The following MANBA variants were observed in gnomAD, a reference collection of about 807,000 sequenced individuals.
The protein encoded by MANBA is mannosidase beta, also known as beta-mannosidase.
MANBA carries 83 observed loss-of-function variants against 111.1 expected under a neutral mutation model. The observed-to-expected ratio is 0.75, with a 90% confidence interval of 0.63 to 0.90. MANBA has a LOEUF of 0.90. Among genes scored for constraint, MANBA ranks in the 40% least tolerant of loss-of-function variants. The pLI is 0.00. For missense variants in MANBA, 1,036 were observed against 1,069.0 expected, an observed-to-expected ratio of 0.97 and a Z score of 0.43; for synonymous variants, 370 against 378.7, an observed-to-expected ratio of 0.98 and a Z score of 0.27.
chr4:102,650,332 A>G (rs911377009), intron 13 of MANBA, among the ~76,000 whole-genome samples: 13 of 152,216 alleles, frequency 8.5e-5, no homozygotes, highest in African/African-American at 3.1e-4. Context: ...GAATTTTGTG[A>G]GCTGTTTTTG....
At chr4:102,650,489 T>A in intron 13 of MANBA, 48 bp downstream of exon 13, 1 of 1,542,496 alleles carries the variant, frequency 6.5e-7, no homozygotes, top group Non-Finnish European at 9.0e-7. Context: ...CATAATCTCT[T>A]ACATTAATTG....
At chr4:102,736,659 T>G (rs1723226830) in intron 1 of MANBA, among the ~76,000 whole-genome samples, 1 of 152,044 alleles carries the variant, frequency 6.6e-6, no homozygotes, top group South Asian at 2.1e-4. Context: ...AAGCAAAATG[T>G]GGATTAGGAT....
At chr4:102,749,065 A>G (rs1436591476) in intron 1 of MANBA, among the ~76,000 whole-genome samples, 1 of 152,200 alleles carries the variant, frequency 6.6e-6, no homozygotes, top group Admixed American at 6.5e-5. Context: ...GACAGTATAG[A>G]TGGGACTTAA....
In MANBA at chr4:102,714,316, G is replaced by GT. The variant is rs1420240830; in HGVS notation, c.673+121dup. ...TATTTTTTACTTTTATAAATTGATTGTACCACAAAGTTTTTAAAAATTCTA... is the reference window on the plus strand; with the variant it reads ...TATTTTTTACTTTTATAAATTGATTGTTACCACAAAGTTTTTAAAAATTCTA... On this transcript the variant is annotated intron_variant, in intron 5 of 16. Transcript: ENST00000647097. The GT allele has an allele frequency of 2.2e-5, 21 of 975,998 alleles. No homozygotes were observed. The Admixed American group carries it at 4.8e-4, about 22-fold the overall frequency. The allele number at this position is 975,998 out of a possible 1,614,324, so 60.5% of individuals were successfully genotyped here.
At chr4:102,699,429 T>C (rs1410484318) in intron 5 of MANBA, among the ~76,000 whole-genome samples, 3 of 152,014 alleles carry the variant, frequency 2.0e-5, no homozygotes, top group Non-Finnish European at 2.9e-5. Context: ...CATCCCTGTC[T>C]TGTGCCAGTT....
intron 5 of MANBA, 74 bp downstream of exon 5, chr4:102,714,364 G>T: frequency 7.2e-7 from 1 of 1,382,600 alleles, no homozygotes; most frequent in Non-Finnish European, 1.0e-6. Context: ...ACATACCTCT[G>T]TATTTCAATT....
chr4:102,640,544 T>G (rs1578861255), intron 13 of MANBA, among the ~76,000 whole-genome samples: 1 of 152,188 alleles, frequency 6.6e-6, no homozygotes, highest in African/African-American at 2.4e-5. Context: ...GTCTCTTTTA[T>G]CGCTGCCGTT....
intron 13 of MANBA, among the ~76,000 whole-genome samples, chr4:102,649,147 T>G (rs1347966745): frequency 6.6e-6 from 1 of 152,176 alleles, no homozygotes; most frequent in African/African-American, 2.4e-5. Flanking sequence ...TGTTTATAAA[T>G]TCTCCTGTTA....
chr4:102,649,130 T>C (rs150795202), intron 13 of MANBA, among the ~76,000 whole-genome samples: 1,869 of 152,300 alleles, frequency 0.012, 50 homozygotes, highest in African/African-American at 0.043. Context: ...ATGAATATAC[T>C]ACAATTTGTT....
chr4:102,759,472 G>A (rs1724152641), intron 1 of MANBA, among the ~76,000 whole-genome samples: 2 of 151,246 alleles, frequency 1.3e-5, no homozygotes, highest in South Asian at 4.2e-4. Context: ...TTAAAATAAA[G>A]TACTAAAGTT....
At chr4:102,742,508 T>C (rs1348085291) in intron 1 of MANBA, among the ~76,000 whole-genome samples, 1 of 152,160 alleles carries the variant, frequency 6.6e-6, no homozygotes, top group Non-Finnish European at 1.5e-5. Flanking sequence ...CCAGTTGGCA[T>C]TGTAATTGTG....
Position 102,760,738 on chromosome 4 carries a change from A to T in MANBA, c.157T>A (p.Phe53Ile). 6.5e-7 allele frequency: 1 copy of T among 1,546,016 alleles called. No individual in the cohort carries two copies. The highest frequency in any genetic ancestry group is 8.7e-7 in the Non-Finnish European group (1 of 1,144,890). Reference protein sequence around the residue: ...AVPGCVHSALFQQGLIQDSYY... With the variant: ...AVPGCVHSALIQQGLIQDSYY... The stretch of plus-strand genomic sequence containing the variant: ...CATACCTGGATCAGGCCCTGCTGGA[A>T]CAAGGCGCTGTGCACGCAGCCAGGG... Residue 53 changes from phenylalanine (F) to isoleucine (I), a missense_variant, in exon 1 of 17, where the codon TTC becomes ATC. Phe to Ile is a conservative substitution (Grantham distance 21). Transcript: ENST00000647097.
At chr4:102,740,530 A>C (rs116668132) in intron 1 of MANBA, among the ~76,000 whole-genome samples, 6,538 of 152,274 alleles carry the variant, frequency 0.043, 282 homozygotes, top group Non-Finnish European at 0.057. Flanking sequence ...ATATCACATT[A>C]CCTGACTTCA....
intron 1 of MANBA, chr4:102,752,650 G>T: frequency 1.8e-6 from 1 of 563,346 alleles, no homozygotes; most frequent in South Asian, 1.4e-5. Flanking sequence ...GAAAGTGAAT[G>T]ATAAATTGAT....
chr4:102,690,650 GCTGTATGT>G lies in MANBA; in HGVS notation c.787_794del (p.Thr263HisfsTer2). ...TCCTTTTCCCAGGTTGAAGTTCAAT[GCTGTATGT>G]CTGTTGTGTTTGCAACTTAGGGATG... On this transcript the variant is annotated frameshift_variant, in exon 6 of 17. Transcript: ENST00000647097. LOFTEE classifies it high-confidence loss of function. The G allele has an allele frequency of 6.2e-7, 1 of 1,612,618 alleles. No homozygotes were observed. Among genetic ancestry groups the G allele is most frequent in the Non-Finnish European group, 8.5e-7 (1 of 1,178,950 alleles).
At chr4:102,661,802 C>A (rs1352533839) in intron 11 of MANBA, among the ~76,000 whole-genome samples, 1 of 152,208 alleles carries the variant, frequency 6.6e-6, no homozygotes, top group Admixed American at 6.5e-5. Context: ...TGACCTTAAA[C>A]CCTTAGTTGG....
intron 1 of MANBA, among the ~76,000 whole-genome samples, chr4:102,738,184 C>T (rs1391400755): frequency 6.6e-6 from 1 of 152,218 alleles, no homozygotes; most frequent in African/African-American, 2.4e-5. Flanking sequence ...AAGAAGAAAA[C>T]AACTAATTCC....
intron 5 of MANBA, among the ~76,000 whole-genome samples, chr4:102,703,430 C>T (rs9991351): frequency 0.028 from 4,251 of 152,180 alleles, 137 homozygotes; most frequent in African/African-American, 0.078. Flanking sequence ...AGCCCTTTCC[C>T]GAAAAGACCC....
intron 1 of MANBA, among the ~76,000 whole-genome samples, chr4:102,736,857 T>G (rs761118270): frequency 1.3e-5 from 2 of 152,168 alleles, no homozygotes; most frequent in Non-Finnish European, 2.9e-5. Context: ...GGTTTGCCAC[T>G]GCAAATTCTG....
Sources: allele counts gnomAD v4.1 joint callset (sites outside exome capture counted in the v4.1 genomes callset), GRCh38; gene constraint gnomAD v4.1.1; transcripts MANE v1.5; gene names NCBI Gene and HGNC (gene_info 2026-07-23, HGNC 2026-07-21).